WDPCP: variants seen among roughly 807,000 people sequenced by gnomAD.
WDPCP encodes WD repeat-containing and planar cell polarity effector protein fritz homolog.
A neutral mutation model predicts 93.1 loss-of-function variants in WDPCP; 71 were observed. The ratio of observed to expected loss-of-function variants is 0.76; its 90% CI spans 0.63 to 0.93. WDPCP has a LOEUF of 0.93. Among genes scored for constraint, WDPCP ranks in the 40% least tolerant of loss-of-function variants. The pLI, the probability that WDPCP is intolerant of heterozygous loss-of-function variation, is 0.00. For missense variants in WDPCP, 844 were observed against 887.4 expected (o/e 0.95, Z 0.62); for synonymous variants, 315 against 315.0 (o/e 1.00, Z 0.00).
intron 14 of WDPCP, among the ~76,000 whole-genome samples, chr2:63,218,179 T>C (rs1265373843): frequency 6.6e-6 from 1 of 152,148 alleles, no homozygotes; most frequent in Non-Finnish European, 1.5e-5. Flanking sequence ...ACCACAAAAA[T>C]TATTTTGTTT....
Position 63,796,800 on chromosome 2 carries a change from CG to C in WDPCP, n.308+16821del, listed in dbSNP as rs1167152921. Among the ~76,000 whole-genome samples the C allele has an allele frequency of 2.0e-5, 3 of 152,198 alleles. No homozygotes were observed. The East Asian group carries it at 5.8e-4, about 29-fold the overall frequency. ...GGACTCCAATTCCTAGGCAAGTCCT[CG>C]TGTTGTGCTGGGCTTGGAGCCAGTG... is the stretch of plus-strand genomic sequence containing the variant. On this transcript the variant is annotated intron_variant and non_coding_transcript_variant, in intron 2 of 4. Coordinates refer to the WDPCP transcript ENST00000467687.
chr2:63,372,105 G>T (rs1200950387), intron 12 of WDPCP, among the ~76,000 whole-genome samples: 1 of 152,158 alleles, frequency 6.6e-6, no homozygotes, highest in Non-Finnish European at 1.5e-5. Flanking sequence ...CATGGCGGAA[G>T]GCAAAGGGGG....
chr2:63,751,421 A>G (rs1175015342), intron 2 of WDPCP, among the ~76,000 whole-genome samples: 2 of 152,222 alleles, frequency 1.3e-5, no homozygotes, highest in Non-Finnish European at 2.9e-5. Context: ...GTGCAAAAAA[A>G]AAATCTACAT....
chr2:63,819,859 AG>A, intron 1 of WDPCP, among the ~76,000 whole-genome samples: 1 of 152,272 alleles, frequency 6.6e-6, no homozygotes, highest in South Asian at 2.1e-4. Flanking sequence ...CCTCTTAGAC[AG>A]GGGTCAGCCT....
intron 2 of WDPCP, among the ~76,000 whole-genome samples, chr2:63,705,567 T>C (rs917729950): frequency 3.3e-5 from 5 of 152,230 alleles, no homozygotes; most frequent in African/African-American, 1.2e-4. Context: ...CAAGTAGTCA[T>C]TCAGGAGCAG....
chr2:63,242,689 G>T (rs1409250002), intron 14 of WDPCP, among the ~76,000 whole-genome samples: 1 of 152,104 alleles, frequency 6.6e-6, no homozygotes, highest in African/African-American at 2.4e-5. Flanking sequence ...GTCCCCAAAT[G>T]GCTTTTGCTT....
chr2:63,739,520 T>G (rs554667853), intron 2 of WDPCP, among the ~76,000 whole-genome samples: 9 of 152,276 alleles, frequency 5.9e-5, no homozygotes, highest in African/African-American at 2.2e-4. Flanking sequence ...TAGAATGGTT[T>G]GTATTTCTCT....
chr2:63,615,700 G>C (rs936517046), intron 3 of WDPCP, among the ~76,000 whole-genome samples: 2 of 152,150 alleles, frequency 1.3e-5, no homozygotes, highest in Admixed American at 1.3e-4. Flanking sequence ...TTGTGTCCTT[G>C]CTTTCCTTGG....
At chr2:63,260,137 C>T (rs1429659390) in intron 13 of WDPCP, among the ~76,000 whole-genome samples, 1 of 152,156 alleles carries the variant, frequency 6.6e-6, no homozygotes, top group African/African-American at 2.4e-5. Flanking sequence ...TGAATGACAT[C>T]TGGTGCAGAT....
At chr2:63,815,975 C>A (rs758342879) in intron 1 of WDPCP, among the ~76,000 whole-genome samples, 3 of 150,832 alleles carry the variant, frequency 2.0e-5, no homozygotes, top group Non-Finnish European at 3.0e-5. Flanking sequence ...TTGTTCATTT[C>A]TTGATATTAT....
chr2:63,397,990 C>T (rs1558574068), intron 10 of WDPCP, among the ~76,000 whole-genome samples: 1 of 151,734 alleles, frequency 6.6e-6, no homozygotes. Flanking sequence ...TAGATGGGGC[C>T]GGGGAGGGTG....
intron 1 of WDPCP, among the ~76,000 whole-genome samples, chr2:63,561,793 A>G (rs1706649649): frequency 6.6e-6 from 1 of 152,244 alleles, no homozygotes; most frequent in Admixed American, 6.5e-5. Flanking sequence ...CTAATCATTG[A>G]GAAATGCAAA....
At position 63,588,263 on chromosome 2, in the gene WDPCP, T is replaced by G. The variant is rs1325243582; in HGVS notation, c.9A>C (p.Arg3=). 1.9e-6 allele frequency: 3 copies of G among 1,574,796 alleles called. No individual in the cohort carries two copies. Among genetic ancestry groups the G allele is most frequent in the Non-Finnish European group, 2.6e-6 (3 of 1,157,724 alleles). Residue 3 remains arginine, a synonymous_variant, in exon 1 of 18, where the codon CGA becomes CGC. Transcript: ENST00000272321. Reference sequence around the variant, plus strand: ...TGGAGTAGGCGTCCCAGCAAAACTCTCGCCTCATCACCAGACACTACCCCG... The same window carrying G: ...TGGAGTAGGCGTCCCAGCAAAACTCGCGCCTCATCACCAGACACTACCCCG... MR[R]EFCWDAYSKA...
At chr2:63,268,462 T>G (rs1015361947) in intron 13 of WDPCP, among the ~76,000 whole-genome samples, 3 of 152,226 alleles carry the variant, frequency 2.0e-5, no homozygotes, top group African/African-American at 4.8e-5. Flanking sequence ...ATTTTTATTT[T>G]TTATCTTTTT....
chr2:63,309,556 G>A (rs147540669), intron 13 of WDPCP, among the ~76,000 whole-genome samples: 3 of 152,204 alleles, frequency 2.0e-5, no homozygotes, highest in South Asian at 2.1e-4. Context: ...CTTCAATACC[G>A]TACTCTTAAT....
At chr2:63,780,213 G>A (rs1417659474) in intron 2 of WDPCP, among the ~76,000 whole-genome samples, 4 of 152,160 alleles carry the variant, frequency 2.6e-5, no homozygotes, top group Non-Finnish European at 4.4e-5. Context: ...AGTCACAAAT[G>A]TATGGTGCCA....
At chr2:63,672,463 A>G (rs976492489) in intron 2 of WDPCP, among the ~76,000 whole-genome samples, 1 of 152,178 alleles carries the variant, frequency 6.6e-6, no homozygotes, top group Admixed American at 6.5e-5. Context: ...CATGCAAACT[A>G]TAGTGTTTTC....
chr2:63,369,107 T>G (rs866718719), intron 12 of WDPCP: 6 of 192,494 alleles, frequency 3.1e-5, no homozygotes, highest in African/African-American at 4.6e-5. Context: ...AAAAAAATCT[T>G]TGATTTTGAC....
intron 15 of WDPCP, among the ~76,000 whole-genome samples, chr2:63,166,987 A>C (rs1673041819): frequency 6.6e-6 from 1 of 152,112 alleles, no homozygotes; most frequent in Non-Finnish European, 1.5e-5. Flanking sequence ...TATATTCACT[A>C]TCTCTATGAG....
Sources: allele counts gnomAD v4.1 joint callset (sites outside exome capture counted in the v4.1 genomes callset), GRCh38; gene constraint gnomAD v4.1.1; transcripts MANE v1.5; gene names NCBI Gene and HGNC (gene_info 2026-07-23, HGNC 2026-07-21).